Variants in PTPRM observed in about 807,000 individuals in gnomAD.
PTPRM encodes receptor-type tyrosine-protein phosphatase mu.
In PTPRM, 47 loss-of-function variants were observed where a neutral mutation model predicts 186.7. That is an observed-to-expected ratio of 0.25 (90% CI 0.20 to 0.32). The LOEUF is 0.32. Ranked by LOEUF, PTPRM falls within the 10% of genes least tolerant of loss-of-function variation. The pLI, the probability that PTPRM is intolerant of heterozygous loss-of-function variation, is 1.00. For synonymous variants in PTPRM, 668 were observed against 674.9 expected (o/e 0.99, Z 0.16); for missense variants, 1,494 against 1,865.0 (o/e 0.80, Z 3.66).
At chr18:8,235,096 G>T (rs1218271076) in intron 14 of PTPRM, among the ~76,000 whole-genome samples, 1 of 152,094 alleles carries the variant, frequency 6.6e-6, no homozygotes, top group Non-Finnish European at 1.5e-5. Context: ...TGGCCTTTTA[G>T]AATGAGCTAG....
intron 7 of PTPRM, among the ~76,000 whole-genome samples, chr18:8,044,771 A>G (rs1301423703): frequency 6.6e-6 from 1 of 151,498 alleles, no homozygotes; most frequent in African/African-American, 2.4e-5. Context: ...AAAAAAAAAA[A>G]AAGAAAAAAC....
chr18:7,600,402 C>T (rs1221338057), intron 1 of PTPRM, among the ~76,000 whole-genome samples: 1 of 152,200 alleles, frequency 6.6e-6, no homozygotes, highest in African/African-American at 2.4e-5. Flanking sequence ...AATCTTGTCT[C>T]CCCTTTCAAA....
chr18:8,031,799 C>G (rs114688411), intron 7 of PTPRM, among the ~76,000 whole-genome samples: 1,944 of 152,266 alleles, frequency 0.013, 34 homozygotes, highest in African/African-American at 0.044. Context: ...GCAGTCTTTT[C>G]TAGGCCAGTC....
At chr18:8,305,283 G>A (rs894125393) in intron 20 of PTPRM, among the ~76,000 whole-genome samples, 4 of 152,186 alleles carry the variant, frequency 2.6e-5, no homozygotes, top group African/African-American at 9.7e-5. Flanking sequence ...CCTTGGCATG[G>A]ATTCACTAGT....
intron 14 of PTPRM, among the ~76,000 whole-genome samples, chr18:8,237,321 T>C (rs2094356232): frequency 6.6e-6 from 1 of 151,632 alleles, no homozygotes; most frequent in African/African-American, 2.4e-5. Flanking sequence ...TTCTCTCATG[T>C]TCTTCCTTTC....
Position 8,289,621 on chromosome 18 carries a change from C to CATAT in PTPRM, c.2755-6739_2755-6736dup, listed in dbSNP as rs201779734. Among the ~76,000 whole-genome samples, 363 of 126,550 alleles carry CATAT rather than the reference C, an allele frequency of 2.9e-3. 9 individuals are homozygous for CATAT. The highest frequency in any genetic ancestry group is 0.011 in the African/African-American group (335 of 29,190). 83.0% of individuals were successfully genotyped at this position (126,550 alleles called of 152,430 possible). A position where few individuals can be genotyped will look rare whatever the true frequency, so the allele number is the denominator to read the frequency against. ...ATATATACACACATATATATATACA[C>CATAT]ATATATATATACACACATATATATA... On this transcript the variant is annotated intron_variant, in intron 19 of 32. Transcript: ENST00000580170.
intron 14 of PTPRM, among the ~76,000 whole-genome samples, chr18:8,173,207 T>C (rs1471612378): frequency 6.6e-6 from 1 of 152,184 alleles, no homozygotes; most frequent in Non-Finnish European, 1.5e-5. Flanking sequence ...GGTAAAGGCT[T>C]CACAAGCTCA....
intron 24 of PTPRM, 117 bp downstream of exon 24, chr18:8,371,123 A>G (rs758748394): frequency 1.2e-4 from 67 of 545,086 alleles, no homozygotes; most frequent in South Asian, 1.9e-4. Context: ...GGTAGGCTCT[A>G]TCTGATGGTT....
intron 23 of PTPRM, among the ~76,000 whole-genome samples, chr18:8,367,642 G>C (rs4797312): frequency 0.24 from 37,099 of 152,260 alleles, 5,620 homozygotes; most frequent in East Asian, 0.53. Context: ...GGTGCGGGGG[G>C]ACAGCCAGCC....
At position 8,387,140 on chromosome 18, in the gene PTPRM, A is replaced by G. The variant is rs147695315; in HGVS notation, c.4113A>G (p.Pro1371=). The change falls in exon 31 of 33, where the codon CCA becomes CCG. Residue 1371 remains proline, a synonymous_variant. Coordinates refer to ENST00000580170, the MANE Select transcript of PTPRM (RefSeq NM_001105244.2). The part of the protein sequence containing the change: ...FLGWPMYRDT[P]VSKRSFLKLI... Reference sequence around the variant, plus strand: ...GCTGGCCGATGTACAGGGACACACCAGTGTCTAAGCGCTCCTTCTTGAAGC... The same window carrying G: ...GCTGGCCGATGTACAGGGACACACCGGTGTCTAAGCGCTCCTTCTTGAAGC... 904 of 1,612,124 alleles carry G rather than the reference A, an allele frequency of 5.6e-4. 6 individuals carry two copies. In the African/African-American group the frequency reaches 0.011, roughly 20 times the overall value.
intron 1 of PTPRM, among the ~76,000 whole-genome samples, chr18:7,623,279 G>A (rs1250029445): frequency 1.3e-5 from 2 of 151,856 alleles, no homozygotes; most frequent in Non-Finnish European, 2.9e-5. Context: ...CCCTTTTTCT[G>A]ATTATGAGTC....
chr18:7,849,019 G>C (rs1198310726), intron 2 of PTPRM, among the ~76,000 whole-genome samples: 1 of 151,892 alleles, frequency 6.6e-6, no homozygotes, highest in East Asian at 1.9e-4. Context: ...GAAAGTTCTT[G>C]GTTCTTTTCC....
intron 14 of PTPRM, among the ~76,000 whole-genome samples, chr18:8,214,236 C>G (rs1239877692): frequency 6.6e-6 from 1 of 151,958 alleles, no homozygotes; most frequent in African/African-American, 2.4e-5. Context: ...CACTTGTTCC[C>G]CTAAAGCTAT....
rs528755647 is a variant in PTPRM at position 7,767,336 on chromosome 18, C to T, written c.74-6813C>T. On this transcript the variant is annotated intron_variant, in intron 1 of 32. Coordinates refer to ENST00000580170, the MANE Select transcript of PTPRM (RefSeq NM_001105244.2). ...AGATAAATTTGGTTTTTAAAGTGTA[C>T]AGATGATTTACGTGTACTGGGTCAA... Among the ~76,000 whole-genome samples, 2 of 152,178 alleles carry T rather than the reference C, an allele frequency of 1.3e-5. 1 individual carries two copies. The highest frequency in any genetic ancestry group is 4.2e-4 in the South Asian group (2 of 4,812).
Position 7,707,006 on chromosome 18 carries a change from A to G in PTPRM, c.74-67143A>G, listed in dbSNP as rs530747353. ...GTGTGGACATGAAACAAATACAAAC[A>G]TTGACATTTAAGGCAGTCATTTTTA... On this transcript the variant is annotated intron_variant, in intron 1 of 32. Coordinates refer to ENST00000580170, the MANE Select transcript of PTPRM (RefSeq NM_001105244.2). 2.6e-5 allele frequency among the ~76,000 whole-genome samples: 4 copies of G among 152,204 alleles called. No homozygotes were observed. In the East Asian group the frequency reaches 7.7e-4, roughly 29 times the overall value.
chr18:7,707,374 T>A (rs566983204), intron 1 of PTPRM, among the ~76,000 whole-genome samples: 1 of 152,098 alleles, frequency 6.6e-6, no homozygotes, highest in African/African-American at 2.4e-5. Flanking sequence ...CTCATACTTA[T>A]AATAACAGCA....
chr18:8,228,375 A>T (rs1029244459), intron 14 of PTPRM, among the ~76,000 whole-genome samples: 1 of 152,198 alleles, frequency 6.6e-6, no homozygotes, highest in Non-Finnish European at 1.5e-5. Context: ...AGCCAGATAT[A>T]TAATGAGAGA....
intron 1 of PTPRM, among the ~76,000 whole-genome samples, chr18:7,628,785 C>T (rs1296908896): frequency 6.6e-6 from 1 of 152,200 alleles, no homozygotes; most frequent in Non-Finnish European, 1.5e-5. Flanking sequence ...CTTCATGGAG[C>T]TCACATTCCA....
intron 2 of PTPRM, among the ~76,000 whole-genome samples, chr18:7,790,101 C>T (rs2043269167): frequency 6.6e-6 from 1 of 152,152 alleles, no homozygotes; most frequent in Non-Finnish European, 1.5e-5. Flanking sequence ...CTTTGCTTGA[C>T]TTCTAGTTAA....
Sources: allele counts gnomAD v4.1 joint callset (sites outside exome capture counted in the v4.1 genomes callset), GRCh38; gene constraint gnomAD v4.1.1; transcripts MANE v1.5; gene names NCBI Gene and HGNC (gene_info 2026-07-23, HGNC 2026-07-21).